VPS13D: variants seen among roughly 807,000 people sequenced by gnomAD.
The protein encoded by VPS13D is vacuolar protein sorting 13 homolog D, also known as intermembrane lipid transfer protein VPS13D.
In VPS13D, 187 loss-of-function variants were observed where a neutral mutation model predicts 461.9. That is an observed-to-expected ratio of 0.40 (90% CI 0.36 to 0.46). The LOEUF (loss-of-function observed/expected upper bound fraction) is 0.46, where lower values mean the gene tolerates loss of function less well. Among genes scored for constraint, VPS13D ranks in the 20% least tolerant of loss-of-function variants. The probability of loss-of-function intolerance (pLI) is 0.60; values close to 1 mark genes in which losing one functional copy is unlikely to be tolerated. For missense variants in VPS13D, 4,711 were observed against 5,364.9 expected, an observed-to-expected ratio of 0.88 and a Z score of 3.81; for synonymous variants, 1,951 against 1,986.3, an observed-to-expected ratio of 0.98 and a Z score of 0.47.
chr1:12,497,329 G>A, intron 67 of VPS13D, 171 bp from the exon 68 acceptor site: 1 of 666,332 alleles, frequency 1.5e-6, no homozygotes, highest in Non-Finnish European at 2.2e-6. Flanking sequence ...TCAAATGAGG[G>A]TCTTTAACCG....
intron 50 of VPS13D, 65 bp downstream of exon 50, chr1:12,358,666 A>G (rs914649669): frequency 1.9e-6 from 3 of 1,582,054 alleles, no homozygotes; most frequent in African/African-American, 2.7e-5. Flanking sequence ...GCTTGGAGGA[A>G]TGACCTGGCC....
At chr1:12,451,944 G>A (rs548106397) in intron 65 of VPS13D, among the ~76,000 whole-genome samples, 1 of 152,318 alleles carries the variant, frequency 6.6e-6, no homozygotes, top group African/African-American at 2.4e-5. Context: ...TCTTTGTAGG[G>A]AATATTTGTA....
At chr1:12,249,044 G>A (rs1640648914) in intron 5 of VPS13D, among the ~76,000 whole-genome samples, 179 bp from the exon 6 acceptor site, 1 of 152,160 alleles carries the variant, frequency 6.6e-6, no homozygotes, top group African/African-American at 2.4e-5. Context: ...CACTGGATAT[G>A]TGTGTGTTGT....
intron 24 of VPS13D, among the ~76,000 whole-genome samples, chr1:12,294,905 CA>C: frequency 6.6e-6 from 1 of 151,892 alleles, no homozygotes; most frequent in Admixed American, 6.6e-5. Flanking sequence ...ACTTTTGTAA[CA>C]ACGTGTTATT....
At chr1:12,446,314 G>T (rs1388682287) in intron 65 of VPS13D, among the ~76,000 whole-genome samples, 8 of 152,042 alleles carry the variant, frequency 5.3e-5, no homozygotes, top group African/African-American at 1.9e-4. Context: ...TCACTCAGGA[G>T]GCTGAGGCAG....
intron 2 of VPS13D, 41 bp downstream of exon 2, chr1:12,234,404 G>A (rs762940639): frequency 6.5e-6 from 10 of 1,536,568 alleles, no homozygotes; most frequent in South Asian, 5.8e-5. Flanking sequence ...TATAGGTGGC[G>A]TTTCTATTTT....
intron 26 of VPS13D, among the ~76,000 whole-genome samples, chr1:12,307,371 A>G (rs2101482162): frequency 6.6e-6 from 1 of 152,338 alleles, no homozygotes; most frequent in South Asian, 2.1e-4. Flanking sequence ...TTTGGGGGTA[A>G]CAAAGGACAG....
chr1:12,297,588 T>C (rs569447510), intron 24 of VPS13D, among the ~76,000 whole-genome samples: 56 of 152,312 alleles, frequency 3.7e-4, no homozygotes, highest in African/African-American at 1.3e-3. Context: ...TTAAGTAGCC[T>C]GTACTTTTGG....
intron 46 of VPS13D, among the ~76,000 whole-genome samples, chr1:12,350,473 C>G (rs1199074829): frequency 1.3e-5 from 2 of 151,972 alleles, no homozygotes; most frequent in Non-Finnish European, 2.9e-5. Context: ...TATTTTGAAT[C>G]AAAAGGTAAT....
At chr1:12,349,914 A>G (rs2101590896) in intron 46 of VPS13D, among the ~76,000 whole-genome samples, 1 of 152,330 alleles carries the variant, frequency 6.6e-6, no homozygotes, top group South Asian at 2.1e-4. Context: ...CACCCTAACA[A>G]ATTTAGACTT....
chr1:12,274,543 C>T (rs1360781410), intron 18 of VPS13D, among the ~76,000 whole-genome samples: 1 of 152,038 alleles, frequency 6.6e-6, no homozygotes, highest in East Asian at 1.9e-4. Context: ...AACTCCTAAC[C>T]TCAAGCAATC....
chr1:12,256,043 A>AT (rs1357807148), intron 7 of VPS13D, among the ~76,000 whole-genome samples: 28 of 152,164 alleles, frequency 1.8e-4, no homozygotes, highest in Non-Finnish European at 2.9e-4. Context: ...TCCTAAAAAC[A>AT]TTTGCTGTTG....
At chr1:12,269,885 T>C (rs1356197866) in intron 16 of VPS13D, among the ~76,000 whole-genome samples, 1 of 152,180 alleles carries the variant, frequency 6.6e-6, no homozygotes, top group Non-Finnish European at 1.5e-5. Flanking sequence ...CAATGGTTCA[T>C]ACCTGTAATC....
intron 67 of VPS13D, among the ~76,000 whole-genome samples, chr1:12,466,001 G>A (rs570841471): frequency 1.3e-5 from 2 of 152,248 alleles, no homozygotes; most frequent in Admixed American, 1.3e-4. Context: ...TGGGCGTGGT[G>A]GTGCGCGCCT....
chr1:12,457,898 AT>A (rs1030204290), intron 66 of VPS13D, among the ~76,000 whole-genome samples: 1 of 152,244 alleles, frequency 6.6e-6, no homozygotes, highest in African/African-American at 2.4e-5. Context: ...AGGTTTAATC[AT>A]TCTTTCTCGT....
intron 57 of VPS13D, among the ~76,000 whole-genome samples, chr1:12,380,760 G>C (rs1644262637): frequency 6.6e-6 from 1 of 152,180 alleles, no homozygotes. Flanking sequence ...GTACTCCAGG[G>C]CAGTTTGCAA....
rs962187499 is a variant in VPS13D at position 12,505,189 on chromosome 1, C to T, written c.12795-1664C>T. On this transcript the variant is annotated intron_variant, in intron 68 of 69. Coordinates refer to ENST00000620676, the MANE Select transcript of VPS13D (RefSeq NM_015378.4). This position sits in a 1 kb window ranked among gnomAD's most constrained non-coding sequence, Gnocchi z 4.2. Reference sequence around the variant, plus strand: ...TCAGATCCCCGCCAGTTCTGGCTGGCGCTGTGTCACCTCTTCTCTGTGTCA... The same window carrying T: ...TCAGATCCCCGCCAGTTCTGGCTGGTGCTGTGTCACCTCTTCTCTGTGTCA... Among the ~76,000 whole-genome samples the T allele has an allele frequency of 6.6e-6, 1 of 152,156 alleles. No homozygotes were observed. The highest frequency in any genetic ancestry group is 1.9e-4 in the East Asian group (1 of 5,190).
chr1:12,320,314 C>T lies in VPS13D; in HGVS notation c.7548+684C>T, dbSNP rs181555157. 7.2e-4 allele frequency among the ~76,000 whole-genome samples: 110 copies of T among 152,236 alleles called. 2 individuals carry two copies. The highest frequency in any genetic ancestry group is 7.2e-3 in the Admixed American group (110 of 15,286). ...TGGGGTGTGGAGACAGAAGGGGAAT[C>T]GTGGCAGGTTCTTGTTTCTATCAGA... is the stretch of plus-strand genomic sequence containing the variant. On this transcript the variant is annotated intron_variant, in intron 32 of 69. Transcript: ENST00000620676.
At chr1:12,376,999 T>C (rs1644207332) in intron 55 of VPS13D, among the ~76,000 whole-genome samples, 1 of 152,138 alleles carries the variant, frequency 6.6e-6, no homozygotes, top group Non-Finnish European at 1.5e-5. Context: ...TCCTCATCTA[T>C]GAGGAGGGAC....
Sources: allele counts gnomAD v4.1 joint callset (sites outside exome capture counted in the v4.1 genomes callset), GRCh38; gene constraint gnomAD v4.1.1; non-coding constraint Gnocchi (gnomAD v3.1); transcripts MANE v1.5; gene names NCBI Gene and HGNC (gene_info 2026-07-23, HGNC 2026-07-21).